RBFOX1: variants seen among roughly 807,000 people sequenced by gnomAD.
RBFOX1 encodes RNA binding protein fox-1 homolog 1.
Under a neutral mutation model 57.7 loss-of-function variants are expected in RBFOX1, and 8 were observed. The observed-to-expected ratio is 0.14, with a 90% confidence interval of 0.08 to 0.25. The LOEUF (loss-of-function observed/expected upper bound fraction) is 0.25. Ranked by LOEUF, RBFOX1 falls within the 10% of genes least tolerant of loss-of-function variation. The probability of loss-of-function intolerance (pLI) is 1.00; values close to 1 mark genes in which losing one functional copy is unlikely to be tolerated. For missense variants in RBFOX1, 611 were observed against 548.5 expected, an observed-to-expected ratio of 1.11 and a Z score of -1.14; for synonymous variants, 326 against 222.4, an observed-to-expected ratio of 1.47 and a Z score of -4.15.
chr16:6,456,108 T>A (rs1418766918), intron 2 of RBFOX1, among the ~76,000 whole-genome samples: 1 of 152,176 alleles, frequency 6.6e-6, no homozygotes, highest in Non-Finnish European at 1.5e-5. Context: ...AACAATAATT[T>A]ATTTAGCACC....
chr16:5,486,927 C>G (rs1017896357), intron 2 of RBFOX1, among the ~76,000 whole-genome samples: 2 of 152,266 alleles, frequency 1.3e-5, no homozygotes, highest in East Asian at 1.9e-4. Context: ...TCTCTCAGAC[C>G]TGATTCCCTT....
intron 4 of RBFOX1, among the ~76,000 whole-genome samples, chr16:7,209,677 C>T (rs984505436): frequency 6.6e-6 from 1 of 152,132 alleles, no homozygotes; most frequent in Non-Finnish European, 1.5e-5. Flanking sequence ...AATTTTTAAT[C>T]CGTATTTGGT....
chr16:5,956,884 T>C (rs1461017720), intron 4 of RBFOX1, among the ~76,000 whole-genome samples: 2 of 151,110 alleles, frequency 1.3e-5, no homozygotes, highest in Non-Finnish European at 2.9e-5. Flanking sequence ...TTGGCCAGGC[T>C]GCTTGGTCTC....
intron 4 of RBFOX1, among the ~76,000 whole-genome samples, chr16:7,474,996 G>T (rs2062348680): frequency 6.6e-6 from 1 of 152,144 alleles, no homozygotes. Context: ...TCCCAGGATG[G>T]TACTCTAGAT....
At chr16:6,558,669 C>G (rs2097138147) in intron 2 of RBFOX1, among the ~76,000 whole-genome samples, 1 of 152,036 alleles carries the variant, frequency 6.6e-6, no homozygotes, top group African/African-American at 2.4e-5. Context: ...GCTAATTAAA[C>G]AAAACAAAAC....
intron 4 of RBFOX1, among the ~76,000 whole-genome samples, chr16:7,371,645 G>T (rs2147341152): frequency 6.6e-6 from 1 of 152,262 alleles, no homozygotes; most frequent in African/African-American, 2.4e-5. Context: ...AGCTACTCAG[G>T]ATACTGAGGC....
intron 1 of RBFOX1, among the ~76,000 whole-genome samples, chr16:5,425,212 T>C (rs1015813340): frequency 6.6e-6 from 1 of 151,666 alleles, no homozygotes; most frequent in African/African-American, 2.4e-5. Context: ...TTCAAGTGAT[T>C]CCCCTGCCTC....
Position 6,702,133 on chromosome 16 carries a change from C to T in RBFOX1, c.-16+47483C>T, listed in dbSNP as rs192779215. Among the ~76,000 whole-genome samples, 5 of 152,326 alleles carry T rather than the reference C, an allele frequency of 3.3e-5. No homozygotes were observed. In the East Asian group the frequency reaches 7.7e-4, roughly 23 times the overall value. On this transcript the variant is annotated intron_variant, in intron 3 of 15. Transcript: ENST00000550418. ...AAATTAGACCTCGTGGTAAATCACTCATTACAGCAGGGACGGAACCAAGCC... is the reference window on the plus strand; with the variant it reads ...AAATTAGACCTCGTGGTAAATCACTTATTACAGCAGGGACGGAACCAAGCC...
At chr16:5,318,723 G>A (rs548828261) in intron 1 of RBFOX1, among the ~76,000 whole-genome samples, 1 of 152,102 alleles carries the variant, frequency 6.6e-6, no homozygotes, top group Non-Finnish European at 1.5e-5. Flanking sequence ...TTATCCAAAC[G>A]GTAACTTAGG....
intron 3 of RBFOX1, among the ~76,000 whole-genome samples, chr16:6,957,473 G>A (rs963416160): frequency 6.6e-6 from 1 of 152,178 alleles, no homozygotes; most frequent in Non-Finnish European, 1.5e-5. Flanking sequence ...AGACCATATA[G>A]GGTAACTTCC....
intron 3 of RBFOX1, among the ~76,000 whole-genome samples, chr16:6,812,218 T>C (rs1043830926): frequency 1.3e-5 from 2 of 152,204 alleles, no homozygotes; most frequent in African/African-American, 4.8e-5. Context: ...TATCTGTGAA[T>C]ATTAAGCTCC....
At chr16:5,405,063 C>G (rs1433867452) in intron 1 of RBFOX1, among the ~76,000 whole-genome samples, 5 of 152,182 alleles carry the variant, frequency 3.3e-5, no homozygotes. Flanking sequence ...GATGTGGAAT[C>G]TGTGCAAAGA....
At chr16:5,657,912 A>G (rs988298667) in intron 3 of RBFOX1, among the ~76,000 whole-genome samples, 1 of 151,294 alleles carries the variant, frequency 6.6e-6, no homozygotes, top group African/African-American at 2.4e-5. Flanking sequence ...TTGTATTTTT[A>G]GTAGAGACGA....
At chr16:5,365,761 G>A (rs1596678606) in intron 1 of RBFOX1, 3 of 478,660 alleles carry the variant, frequency 6.3e-6, no homozygotes, top group East Asian at 1.1e-4. Flanking sequence ...ATCTCTGTCC[G>A]CCTTCTCTCC....
At chr16:7,333,259 G>C (rs1054409305) in intron 4 of RBFOX1, among the ~76,000 whole-genome samples, 3 of 152,168 alleles carry the variant, frequency 2.0e-5, no homozygotes, top group Non-Finnish European at 4.4e-5. Context: ...TCTAGCTATC[G>C]ACATCTCTCA....
chr16:6,907,012 C>T (rs1438377232), intron 3 of RBFOX1, among the ~76,000 whole-genome samples: 3 of 152,134 alleles, frequency 2.0e-5, no homozygotes, highest in Non-Finnish European at 4.4e-5. Flanking sequence ...GCATGAGCCA[C>T]CGCACCCAGC....
At chr16:6,027,612 T>C (rs2095220821) in intron 1 of RBFOX1, among the ~76,000 whole-genome samples, 1 of 152,230 alleles carries the variant, frequency 6.6e-6, no homozygotes, top group African/African-American at 2.4e-5. Context: ...TTTAGCAAAG[T>C]GCCTGGCACC....
chr16:6,180,117 G>A (rs955471039), intron 1 of RBFOX1, among the ~76,000 whole-genome samples: 9 of 151,968 alleles, frequency 5.9e-5, no homozygotes, highest in African/African-American at 7.2e-5. Flanking sequence ...TTGATTTTTT[G>A]TCTGGTTTTG....
intron 3 of RBFOX1, among the ~76,000 whole-genome samples, chr16:6,780,015 A>T (rs868692992): frequency 2.3e-3 from 65 of 27,962 alleles, no homozygotes; most frequent in African/African-American, 7.4e-3. Flanking sequence ...ATTTATATAT[A>T]TTTATATATT....
Sources: allele counts gnomAD v4.1 joint callset (sites outside exome capture counted in the v4.1 genomes callset), GRCh38; gene constraint gnomAD v4.1.1; transcripts MANE v1.5; gene names NCBI Gene and HGNC (gene_info 2026-07-23, HGNC 2026-07-21).